DISC1: variants seen among roughly 807,000 people sequenced by gnomAD.
DISC1 encodes disrupted in schizophrenia 1 protein.
DISC1 carries 57 observed loss-of-function variants against 84.5 expected under a neutral mutation model. That is an observed-to-expected ratio of 0.67 (90% confidence interval 0.55 to 0.84). The LOEUF is 0.84. Ranked by LOEUF, DISC1 falls within the 40% of genes least tolerant of loss-of-function variation. The pLI is 0.00. For missense variants in DISC1, 1,000 were observed against 1,057.8 expected, an observed-to-expected ratio of 0.95 and a Z score of 0.76; for synonymous variants, 411 against 415.2, an observed-to-expected ratio of 0.99 and a Z score of 0.12.
intron 1 of DISC1, among the ~76,000 whole-genome samples, chr1:231,646,050 G>A (rs1487332522): frequency 1.6e-5 from 2 of 125,088 alleles, no homozygotes; most frequent in Non-Finnish European, 3.3e-5. Context: ...AGCAGAATAT[G>A]TACTTTTCTT....
At chr1:231,879,352 A>G (rs79014848) in intron 9 of DISC1, among the ~76,000 whole-genome samples, 1,667 of 151,988 alleles carry the variant, frequency 0.011, 21 homozygotes, top group African/African-American at 0.037. Context: ...TAAGGTATAC[A>G]TATGTTCAGC....
Position 231,694,544 on chromosome 1 carries a change from C to T in DISC1, c.786C>T (p.Leu262=), listed in dbSNP as rs1269683316. 6.2e-7 allele frequency: 1 copy of T among 1,614,204 alleles called. No homozygotes were observed. The highest frequency in any genetic ancestry group is 1.7e-5 in the Admixed American group (1 of 60,034). ...GGCCTCACGAGGACCCGCGATGTCT[C>T]TCTCGGCCCTTCAGTCTCTTGGCTA... The part of the protein sequence containing the change: ...LDGPHEDPRC[L]SRPFSLLATR... Residue 262 remains leucine, a synonymous_variant, in exon 2 of 13, where the codon CTC becomes CTT. Transcript: ENST00000439617.
At chr1:231,734,425 T>C (rs2072180616) in intron 3 of DISC1, among the ~76,000 whole-genome samples, 1 of 152,202 alleles carries the variant, frequency 6.6e-6, no homozygotes, top group Non-Finnish European at 1.5e-5. Context: ...TTGTGTTTTC[T>C]GTGTTGTCTA....
At chr1:231,955,077 C>T (rs577124631) in intron 9 of DISC1, among the ~76,000 whole-genome samples, 2 of 152,290 alleles carry the variant, frequency 1.3e-5, no homozygotes, top group South Asian at 4.1e-4. Context: ...TGATAGACAT[C>T]TAGATTCTTT....
chr1:231,674,302 T>A (rs181990139), intron 1 of DISC1, among the ~76,000 whole-genome samples: 2 of 152,296 alleles, frequency 1.3e-5, no homozygotes, highest in Non-Finnish European at 2.9e-5. Flanking sequence ...ATCTGTTATA[T>A]GTGCCATTTT....
intron 1 of DISC1, among the ~76,000 whole-genome samples, chr1:231,655,986 T>C (rs984149554): frequency 2.6e-5 from 4 of 152,232 alleles, no homozygotes; most frequent in African/African-American, 9.6e-5. Context: ...TTGTAGATTC[T>C]GGGTATTAGT....
rs562847051 is a variant in DISC1 at position 231,723,149 on chromosome 1, G to A, written c.1117+21125G>A. The stretch of plus-strand genomic sequence containing the variant: ...TTGTTTTCAGTGGATATGAAAAGTC[G>A]GCCCTCCATATCTGCAGGTTTTACA... On this transcript the variant is annotated intron_variant, in intron 3 of 12. Transcript: ENST00000439617. The A allele has an allele frequency of 6.6e-6, 6 of 908,220 alleles. No homozygotes were observed. The African/African-American group carries it at 7.2e-5, about 11-fold the overall frequency. 56.3% of individuals were successfully genotyped at this position (908,220 alleles called of 1,614,324 possible). A position where few individuals can be genotyped will look rare whatever the true frequency, so the allele number is the denominator to read the frequency against.
chr1:231,820,789 T>C (rs2081435576), intron 9 of DISC1, among the ~76,000 whole-genome samples: 1 of 152,214 alleles, frequency 6.6e-6, no homozygotes, highest in African/African-American at 2.4e-5. Flanking sequence ...CCCTGTGACC[T>C]TAACCTTGTT....
rs1403704290 is a variant in DISC1, at chr1:231,886,938, T to G, written c.1981+68421T>G. 2.0e-5 allele frequency among the ~76,000 whole-genome samples: 3 copies of G among 151,022 alleles called. No individual in the cohort carries two copies. The East Asian group carries it at 5.9e-4, about 30-fold the overall frequency. On this transcript the variant is annotated intron_variant, in intron 9 of 12. Coordinates refer to ENST00000439617, the MANE Select transcript of DISC1 (RefSeq NM_018662.3). ...GTGCAGTGGCGCCATCTCAGCTCAC[T>G]GTAAGCTCTACCTCCCGAGTTCAAG...
At chr1:231,695,861 T>G (rs529214477) in intron 2 of DISC1, among the ~76,000 whole-genome samples, 2 of 152,280 alleles carry the variant, frequency 1.3e-5, no homozygotes, top group Non-Finnish European at 2.9e-5. Context: ...GTCTGATGTT[T>G]CTAGCCCTGT....
chr1:231,758,110 C>A (rs2075318685), intron 4 of DISC1, among the ~76,000 whole-genome samples: 1 of 151,710 alleles, frequency 6.6e-6, no homozygotes. Context: ...CTACTAGGAA[C>A]CTTTTGGCCA....
intron 1 of DISC1, among the ~76,000 whole-genome samples, chr1:231,641,266 G>A (rs1433038999): frequency 4.6e-5 from 7 of 152,204 alleles, no homozygotes; most frequent in African/African-American, 1.7e-4. Flanking sequence ...TAAAGGCGGC[G>A]TGTCTGGAGT....
At chr1:231,958,416 T>C (rs1387385046) in intron 9 of DISC1, among the ~76,000 whole-genome samples, 1 of 152,244 alleles carries the variant, frequency 6.6e-6, no homozygotes, top group African/African-American at 2.4e-5. Flanking sequence ...ACCCCTAGTG[T>C]GGCTCTTCTG....
At chr1:231,799,743 G>A (rs2079039756) in intron 7 of DISC1, among the ~76,000 whole-genome samples, 1 of 151,082 alleles carries the variant, frequency 6.6e-6, no homozygotes, top group African/African-American at 2.4e-5. Context: ...TATCAGTTTT[G>A]TAATTGGATG....
chr1:231,763,355 G>A (rs762120112), intron 4 of DISC1, among the ~76,000 whole-genome samples: 5 of 152,196 alleles, frequency 3.3e-5, no homozygotes, highest in African/African-American at 4.8e-5. Context: ...TGAACAGTAC[G>A]TTCTTGATTC....
chr1:231,967,122 A>C (rs1226339456), intron 10 of DISC1, among the ~76,000 whole-genome samples: 1 of 152,230 alleles, frequency 6.6e-6, no homozygotes, highest in Non-Finnish European at 1.5e-5. Flanking sequence ...GGACAGCCTG[A>C]TGTGGAATGA....
chr1:231,762,362 G>T (rs1264022776), intron 4 of DISC1, among the ~76,000 whole-genome samples: 2 of 148,830 alleles, frequency 1.3e-5, no homozygotes, highest in East Asian at 4.0e-4. Context: ...TTGTGGTATT[G>T]ATTGCCCTGT....
intron 9 of DISC1, among the ~76,000 whole-genome samples, chr1:231,881,661 G>A (rs2086298437): frequency 6.6e-6 from 1 of 152,104 alleles, no homozygotes; most frequent in Non-Finnish European, 1.5e-5. Flanking sequence ...CCCGCTTCAA[G>A]ACGAGCACTT....
intron 11 of DISC1, among the ~76,000 whole-genome samples, chr1:232,010,697 G>A (rs749371814): frequency 9.9e-5 from 15 of 152,196 alleles, no homozygotes; most frequent in Non-Finnish European, 1.8e-4. Context: ...ACAGAAACCA[G>A]TGTATTTTTA....
Sources: allele counts gnomAD v4.1 joint callset (sites outside exome capture counted in the v4.1 genomes callset), GRCh38; gene constraint gnomAD v4.1.1; transcripts MANE v1.5; gene names NCBI Gene and HGNC (gene_info 2026-07-23, HGNC 2026-07-21).